Variants in EPB41L4A observed in about 807,000 individuals in gnomAD.
EPB41L4A encodes the protein band 4.1-like protein 4A.
Under a neutral mutation model 108.6 loss-of-function variants are expected in EPB41L4A, and 100 were observed. The ratio of observed to expected loss-of-function variants is 0.92; its 90% CI spans 0.78 to 1.09. The LOEUF is 1.09. EPB41L4A is among the 50% of genes least tolerant of loss of function. The pLI, the probability that EPB41L4A is intolerant of heterozygous loss-of-function variation, is 0.00. For missense variants in EPB41L4A, 1,030 were observed against 842.7 expected (o/e 1.22, Z -2.75); for synonymous variants, 319 against 289.0 (o/e 1.10, Z -1.05).
chr5:112,366,919 C>G (rs1198397747), intron 1 of EPB41L4A, among the ~76,000 whole-genome samples: 1 of 152,114 alleles, frequency 6.6e-6, no homozygotes, highest in East Asian at 1.9e-4. Context: ...CCTAGTAAGC[C>G]CTCAAAGTAT....
intron 1 of EPB41L4A, among the ~76,000 whole-genome samples, chr5:112,364,777 T>C (rs890049278): frequency 6.6e-6 from 1 of 152,254 alleles, no homozygotes; most frequent in African/African-American, 2.4e-5. Context: ...AGCACAAATA[T>C]TTCCCAGTTC....
intron 1 of EPB41L4A, among the ~76,000 whole-genome samples, chr5:112,378,195 G>A (rs917682128): frequency 6.6e-6 from 1 of 151,314 alleles, no homozygotes; most frequent in African/African-American, 2.4e-5. Flanking sequence ...GATACTCCTG[G>A]TATTTCCCAG....
At chr5:112,298,649 T>C (rs1754164597) in intron 2 of EPB41L4A, among the ~76,000 whole-genome samples, 1 of 151,986 alleles carries the variant, frequency 6.6e-6, no homozygotes, top group African/African-American at 2.4e-5. Context: ...TAGTTTTCTT[T>C]GTTATACTGA....
chr5:112,158,734 T>C (rs894084909), downstream of EPB41L4A, among the ~76,000 whole-genome samples: 1 of 152,112 alleles, frequency 6.6e-6, no homozygotes, highest in African/African-American at 2.4e-5. Context: ...TGGTGAGATC[T>C]CCTGAGAACT....
chr5:112,313,919 A>T (rs1274207833), intron 1 of EPB41L4A, among the ~76,000 whole-genome samples: 1 of 128,036 alleles, frequency 7.8e-6, no homozygotes, highest in Non-Finnish European at 1.5e-5. Context: ...GCTGGAGTGC[A>T]GTGGCGCAAT....
intron 17 of EPB41L4A, among the ~76,000 whole-genome samples, chr5:112,188,462 A>G (rs959407739): frequency 3.9e-5 from 6 of 152,046 alleles, no homozygotes; most frequent in African/African-American, 1.4e-4. Flanking sequence ...GTTTTCATGA[A>G]TTTTTAACCT....
rs1479570495 is a variant in EPB41L4A at position 112,269,364 on chromosome 5, T to TA, written c.336-3035dup. 2.0e-5 allele frequency among the ~76,000 whole-genome samples: 3 copies of TA among 152,190 alleles called. No individual in the cohort carries two copies. In the East Asian group the frequency reaches 5.8e-4, roughly 29 times the overall value. On this transcript the variant is annotated intron_variant, in intron 4 of 22. Coordinates refer to ENST00000261486, the MANE Select transcript of EPB41L4A (RefSeq NM_022140.5). The stretch of plus-strand genomic sequence containing the variant: ...GTAGAGTCATAAGGCAAATTTGTGA[T>TA]AAAGTAAAATCATATTTTCATATGT...
At chr5:112,374,012 G>A (rs1759654182) in intron 1 of EPB41L4A, among the ~76,000 whole-genome samples, 1 of 152,186 alleles carries the variant, frequency 6.6e-6, no homozygotes, top group Non-Finnish European at 1.5e-5. Flanking sequence ...GTATACACTT[G>A]TCAGTTCTGT....
In EPB41L4A at chr5:112,194,647, T is replaced by A. The variant is rs1256228785; in HGVS notation, c.1425-2A>T. On this transcript the variant is annotated splice_acceptor_variant, in intron 16 of 22. Transcript: ENST00000261486. LOFTEE classifies it high-confidence loss of function. ...CTGGTGTTACAGCGTGAACGTGACCTGAAGACAAAAAGGTAAGAACAAAAG... is the reference window on the plus strand; with the variant it reads ...CTGGTGTTACAGCGTGAACGTGACCAGAAGACAAAAAGGTAAGAACAAAAG... 1 of 1,595,444 alleles carries A rather than the reference T, an allele frequency of 6.3e-7. No individual in the cohort carries two copies. The highest frequency in any genetic ancestry group is 1.4e-5 in the African/African-American group (1 of 73,780).
At chr5:112,327,432 T>C (rs1482323225) in intron 1 of EPB41L4A, among the ~76,000 whole-genome samples, 1 of 152,164 alleles carries the variant, frequency 6.6e-6, no homozygotes, top group Non-Finnish European at 1.5e-5. Context: ...AATTGCAACT[T>C]AGACTGGGTG....
intron 1 of EPB41L4A, among the ~76,000 whole-genome samples, chr5:112,333,383 C>T (rs990165741): frequency 6.6e-6 from 1 of 152,144 alleles, no homozygotes; most frequent in African/African-American, 2.4e-5. Context: ...AGGAAATGCT[C>T]GGCTGGTCTC....
chr5:112,168,779 G>A lies in EPB41L4A; in HGVS notation c.1892C>T (p.Ser631Phe). 3.1e-6 allele frequency: 5 copies of A among 1,614,120 alleles called. No homozygotes were observed. Among genetic ancestry groups the A allele is most frequent in the Non-Finnish European group, 4.2e-6 (5 of 1,179,978 alleles). ...DLVPPLPVTR[S>F]SDAQGSGDAT... ...ATCCCCAGAACCCTGAGCATCCGAA[G>A]AACGGGTCACCGGAAGTGGTGGTAC... is the stretch of plus-strand genomic sequence containing the variant. The change falls in exon 22 of 23, where the codon TCT becomes TTT. Residue 631 changes from serine (S) to phenylalanine (F), a missense_variant. Transcript: ENST00000261486.
chr5:112,373,566 A>G (rs1759627076), intron 1 of EPB41L4A, among the ~76,000 whole-genome samples: 3 of 152,252 alleles, frequency 2.0e-5, no homozygotes, highest in Admixed American at 2.0e-4. Context: ...AGAGCTTTCA[A>G]TGTATTAACT....
At chr5:112,380,277 G>C (rs568220309) in intron 1 of EPB41L4A, among the ~76,000 whole-genome samples, 23 of 152,012 alleles carry the variant, frequency 1.5e-4, no homozygotes, top group Non-Finnish European at 2.9e-4. Context: ...GCATACAAAG[G>C]TATCAACCTA....
intron 1 of EPB41L4A, among the ~76,000 whole-genome samples, chr5:112,418,169 T>G (rs1211172308): frequency 6.6e-6 from 1 of 152,220 alleles, no homozygotes; most frequent in Non-Finnish European, 1.5e-5. Context: ...AGATCTCCTT[T>G]AGGTAGTTAA....
chr5:112,266,074 G>C lies in EPB41L4A; in HGVS notation c.433+159C>G, dbSNP rs758298237. ...ACTAGGCTCCACTTTTACCTGTTCC[G>C]AAGGAACACTGAACAAAACTTGAAT... On this transcript the variant is annotated intron_variant, in intron 5 of 22. Transcript: ENST00000261486. Among the ~76,000 whole-genome samples, 3 of 152,176 alleles carry C rather than the reference G, an allele frequency of 2.0e-5. No individual in the cohort carries two copies. The East Asian group carries it at 5.8e-4, about 29-fold the overall frequency.
At chr5:112,259,093 T>C (rs1751312547) in intron 9 of EPB41L4A, 136 bp downstream of exon 9, 4 of 673,914 alleles carry the variant, frequency 5.9e-6, no homozygotes, top group African/African-American at 3.6e-5. Context: ...CCTTGAGAAG[T>C]TGTGCATGTG....
At chr5:112,167,938 TGA>T (rs1465814624) in intron 22 of EPB41L4A, among the ~76,000 whole-genome samples, 3 of 152,218 alleles carry the variant, frequency 2.0e-5, no homozygotes, top group Non-Finnish European at 4.4e-5. Context: ...TTTTATGGGA[TGA>T]GAGTCAGTAG....
rs79265651 is a variant in EPB41L4A, at chr5:112,310,536, T to A, written c.100-3046A>T. 2.2e-3 allele frequency among the ~76,000 whole-genome samples: 332 copies of A among 152,334 alleles called. 1 individual carries two copies. Among genetic ancestry groups the A allele is most frequent in the African/African-American group, 7.7e-3 (320 of 41,570 alleles). The stretch of plus-strand genomic sequence containing the variant: ...GTATGGCCCGAACGCATATCCTTAA[T>A]CAAATAGATGGTTCCTTCAATTCTG... On this transcript the variant is annotated intron_variant, in intron 1 of 22. Transcript: ENST00000261486.
Sources: gnomAD v4.1 joint callset for allele counts (sites outside exome capture counted in the v4.1 genomes callset) on GRCh38, gnomAD v4.1.1 for gene constraint, MANE v1.5 for transcripts, NCBI Gene and HGNC (gene_info 2026-07-23, HGNC 2026-07-21) for gene names.